Variants in RPS6KC1 observed in about 807,000 individuals in gnomAD.
RPS6KC1 encodes the protein inactive ribosomal protein S6 kinase delta-1.
A neutral mutation model predicts 103.8 loss-of-function variants in RPS6KC1; 54 were observed. The ratio of observed to expected loss-of-function variants is 0.52; its 90% confidence interval spans 0.42 to 0.65. The LOEUF (loss-of-function observed/expected upper bound fraction) is 0.65, where lower values mean the gene tolerates loss of function less well. Ranked by LOEUF, RPS6KC1 falls within the 30% of genes least tolerant of loss-of-function variation. RPS6KC1 has a pLI of 0.00. For missense variants in RPS6KC1, 1,151 were observed against 1,253.8 expected (o/e 0.92, Z 1.24); for synonymous variants, 439 against 438.7 (o/e 1.00, Z -0.01).
At chr1:213,621,989 C>T in the RPS6KC1 span, among the ~76,000 whole-genome samples, 2 of 152,174 alleles carry the variant, frequency 1.3e-5, no homozygotes. Context: ...TATGCCCCTT[C>T]CTCTGCCCCT....
At chr1:213,539,392 G>T in the RPS6KC1 span, among the ~76,000 whole-genome samples, 1 of 152,180 alleles carries the variant, frequency 6.6e-6, no homozygotes, top group African/African-American at 2.4e-5. Context: ...TGGTGCTATT[G>T]CTGCACTTCA....
At chr1:213,302,552 A>T in the RPS6KC1 span, among the ~76,000 whole-genome samples, 575 of 152,370 alleles carry the variant, frequency 3.8e-3, 2 homozygotes, top group Middle Eastern at 0.014. Flanking sequence ...TAATACTTAC[A>T]TTCCTGTGGA....
the RPS6KC1 span, among the ~76,000 whole-genome samples, chr1:213,343,852 A>C: frequency 6.6e-6 from 1 of 152,182 alleles, no homozygotes; most frequent in Non-Finnish European, 1.5e-5. Flanking sequence ...AATATTGTTA[A>C]TGAAAGAAAA....
chr1:213,844,056 G>T, the RPS6KC1 span, among the ~76,000 whole-genome samples: 84 of 151,970 alleles, frequency 5.5e-4, no homozygotes, highest in African/African-American at 2.0e-3. Context: ...CTTCATGGAA[G>T]AAGAGTATTC....
the RPS6KC1 span, among the ~76,000 whole-genome samples, chr1:213,368,050 G>A: frequency 6.6e-6 from 1 of 152,316 alleles, no homozygotes; most frequent in South Asian, 2.1e-4. Flanking sequence ...AGATATAGCC[G>A]GAGACCTGGT....
the RPS6KC1 span, among the ~76,000 whole-genome samples, chr1:213,778,344 C>G: frequency 6.6e-6 from 1 of 152,118 alleles, no homozygotes; most frequent in South Asian, 2.1e-4. Context: ...TGCAATAATT[C>G]AAACAGGATT....
chr1:213,856,289 G>A, the RPS6KC1 span, among the ~76,000 whole-genome samples: 3 of 152,100 alleles, frequency 2.0e-5, no homozygotes, highest in Non-Finnish European at 2.9e-5. Context: ...GAAAATATGG[G>A]ACTTCTAATG....
intron 12 of RPS6KC1, among the ~76,000 whole-genome samples, chr1:213,251,588 T>G (rs759654046): frequency 6.6e-6 from 1 of 152,200 alleles, no homozygotes; most frequent in Non-Finnish European, 1.5e-5. Flanking sequence ...ACTCTCACCC[T>G]CTAATCTTTG....
At chr1:213,410,145 CTG>C in the RPS6KC1 span, among the ~76,000 whole-genome samples, 4 of 152,152 alleles carry the variant, frequency 2.6e-5, no homozygotes, top group African/African-American at 9.7e-5. Flanking sequence ...CAGAGTGAGA[CTG>C]TGACTCAAAC....
the RPS6KC1 span, among the ~76,000 whole-genome samples, chr1:213,647,288 G>T: frequency 6.6e-6 from 1 of 152,144 alleles, no homozygotes; most frequent in Non-Finnish European, 1.5e-5. Context: ...AGTGTGACAA[G>T]TGAAGATGTA....
the RPS6KC1 span, among the ~76,000 whole-genome samples, chr1:213,375,142 C>T: frequency 2.6e-5 from 4 of 151,628 alleles, no homozygotes; most frequent in African/African-American, 9.7e-5. Flanking sequence ...TATATACACA[C>T]ATATACACAT....
At chr1:213,602,174 C>CTTTCTTTCTT in the RPS6KC1 span, among the ~76,000 whole-genome samples, 1 of 101,526 alleles carries the variant, frequency 9.8e-6, no homozygotes, top group African/African-American at 4.0e-5. Flanking sequence ...TTCTTTCTTT[C>CTTTCTTTCTT]TTTCTTTCTT....
At chr1:213,326,465 T>G in the RPS6KC1 span, among the ~76,000 whole-genome samples, 1 of 152,242 alleles carries the variant, frequency 6.6e-6, no homozygotes, top group East Asian at 1.9e-4. Flanking sequence ...GATTTCTACC[T>G]CTTTTTTGCT....
At chr1:213,181,478 T>C (rs535709870) in intron 8 of RPS6KC1, among the ~76,000 whole-genome samples, 1 of 152,360 alleles carries the variant, frequency 6.6e-6, no homozygotes, top group South Asian at 2.1e-4. Context: ...GTAGCTAAAA[T>C]ATAATTGAGA....
chr1:213,310,340 G>A, the RPS6KC1 span, among the ~76,000 whole-genome samples: 1 of 152,160 alleles, frequency 6.6e-6, no homozygotes, highest in East Asian at 1.9e-4. Flanking sequence ...TCACCTCTGT[G>A]ATGTCACCCG....
the RPS6KC1 span, among the ~76,000 whole-genome samples, chr1:213,669,975 A>C: frequency 6.6e-6 from 1 of 152,198 alleles, no homozygotes; most frequent in African/African-American, 2.4e-5. Flanking sequence ...TGGAATGGTC[A>C]GTGGAGTACA....
chr1:213,544,233 A>G, the RPS6KC1 span, among the ~76,000 whole-genome samples: 4 of 152,156 alleles, frequency 2.6e-5, no homozygotes, highest in African/African-American at 9.6e-5. Flanking sequence ...AGGCGAGAGA[A>G]TCCTTCTGCT....
At chr1:213,354,824 T>G in the RPS6KC1 span, among the ~76,000 whole-genome samples, 1 of 152,212 alleles carries the variant, frequency 6.6e-6, no homozygotes, top group Non-Finnish European at 1.5e-5. Flanking sequence ...CAATCACCTC[T>G]TAAAGGCTCC....
chr1:213,641,771 T>C, the RPS6KC1 span, among the ~76,000 whole-genome samples: 16 of 151,866 alleles, frequency 1.1e-4, no homozygotes, highest in Admixed American at 1.1e-3. Flanking sequence ...TCACAGTGTG[T>C]CTGAGGCAAA....
Sources: gnomAD v4.1 joint callset for allele counts (sites outside exome capture counted in the v4.1 genomes callset) on GRCh38, gnomAD v4.1.1 for gene constraint, MANE v1.5 for transcripts, NCBI Gene and HGNC (gene_info 2026-07-23, HGNC 2026-07-21) for gene names.